PCCA: variants seen among roughly 807,000 people sequenced by gnomAD.
PCCA encodes propionyl-CoA carboxylase alpha chain, mitochondrial.
Under a neutral mutation model 101.3 loss-of-function variants are expected in PCCA, and 74 were observed. The observed-to-expected ratio is 0.73, with a 90% confidence interval of 0.61 to 0.89. The LOEUF is 0.89. Among genes scored for constraint, PCCA ranks in the 40% least tolerant of loss-of-function variants. PCCA has a pLI of 0.00. For synonymous variants in PCCA, 294 were observed against 313.6 expected, an observed-to-expected ratio of 0.94 and a Z score of 0.66; for missense variants, 891 against 907.0, an observed-to-expected ratio of 0.98 and a Z score of 0.23.
intron 7 of PCCA, among the ~76,000 whole-genome samples, chr13:100,226,559 C>T (rs772975190): frequency 1.2e-4 from 19 of 152,302 alleles, no homozygotes; most frequent in East Asian, 3.9e-4. Context: ...GTGTTTTCTG[C>T]GCTTCCTTGT....
At chr13:100,238,273 A>G (rs2060925625) in intron 8 of PCCA, among the ~76,000 whole-genome samples, 1 of 152,098 alleles carries the variant, frequency 6.6e-6, no homozygotes, top group Non-Finnish European at 1.5e-5. Context: ...GTCACCTTTA[A>G]GATAACCAGC....
At chr13:100,401,153 G>C (rs1039655635) in intron 19 of PCCA, among the ~76,000 whole-genome samples, 2 of 151,942 alleles carry the variant, frequency 1.3e-5, no homozygotes, top group African/African-American at 4.8e-5. Flanking sequence ...TTATTTCAAA[G>C]TAGCATTGCT....
chr13:100,270,993 GC>G (rs1438336451), intron 11 of PCCA, among the ~76,000 whole-genome samples: 2 of 152,034 alleles, frequency 1.3e-5, no homozygotes, highest in Admixed American at 6.6e-5. Flanking sequence ...GGGTGACAGA[GC>G]AAGACCCTGT....
chr13:100,175,858 G>T (rs953060613), intron 6 of PCCA, among the ~76,000 whole-genome samples: 1 of 152,126 alleles, frequency 6.6e-6, no homozygotes, highest in Non-Finnish European at 1.5e-5. Flanking sequence ...TCCTCTTTTT[G>T]TGACTGCTTT....
intron 4 of PCCA, among the ~76,000 whole-genome samples, chr13:100,153,514 G>A (rs1442278503): frequency 6.6e-6 from 1 of 152,152 alleles, no homozygotes; most frequent in Non-Finnish European, 1.5e-5. Flanking sequence ...TTAAAGGATT[G>A]TGAAGTACTC....
At chr13:100,098,576 G>T (rs1027052637) in intron 1 of PCCA, among the ~76,000 whole-genome samples, 6 of 152,178 alleles carry the variant, frequency 3.9e-5, no homozygotes, top group African/African-American at 1.4e-4. Context: ...AGATGAGGGT[G>T]CAGGTGTGAG....
intron 21 of PCCA, among the ~76,000 whole-genome samples, chr13:100,461,221 C>T (rs915741747): frequency 2.0e-5 from 3 of 152,178 alleles, no homozygotes; most frequent in East Asian, 1.9e-4. Context: ...CAACTGTAGT[C>T]TCTTAATTGA....
intron 6 of PCCA, among the ~76,000 whole-genome samples, chr13:100,207,980 T>C (rs1188085076): frequency 6.6e-6 from 1 of 151,974 alleles, no homozygotes; most frequent in Non-Finnish European, 1.5e-5. Flanking sequence ...ATTGTGCCAT[T>C]GCACTCCAGC....
chr13:100,218,958 G>A (rs978509336), intron 7 of PCCA, among the ~76,000 whole-genome samples: 3 of 152,126 alleles, frequency 2.0e-5, no homozygotes, highest in Admixed American at 6.5e-5. Context: ...GCTAGCAAAA[G>A]GCTGGGGTCC....
At chr13:100,184,609 A>G (rs1032898789) in intron 6 of PCCA, among the ~76,000 whole-genome samples, 4 of 152,194 alleles carry the variant, frequency 2.6e-5, no homozygotes, top group Non-Finnish European at 5.9e-5. Context: ...TACTGTCACA[A>G]CCATTCAACT....
chr13:100,256,698 G>A (rs1338880354), intron 8 of PCCA, among the ~76,000 whole-genome samples: 1 of 152,116 alleles, frequency 6.6e-6, no homozygotes, highest in Non-Finnish European at 1.5e-5. Flanking sequence ...TGCCAGTAGA[G>A]CATTACAGGC....
chr13:100,260,379 T>TTGTGTGTGTGTG (rs138371283), intron 9 of PCCA, among the ~76,000 whole-genome samples: 2 of 135,504 alleles, frequency 1.5e-5, no homozygotes, highest in African/African-American at 5.5e-5. Flanking sequence ...AGCAAATTAG[T>TTGTGTGTGTGTG]TGTGTGTGTG....
At chr13:100,107,468 C>G (rs558523403) in intron 2 of PCCA, among the ~76,000 whole-genome samples, 13 of 152,130 alleles carry the variant, frequency 8.5e-5, no homozygotes, top group Admixed American at 2.0e-4. Flanking sequence ...ACACGGGATT[C>G]CTTGAGACCG....
chr13:100,527,409 C>G lies in PCCA; in HGVS notation c.2041-266C>G, dbSNP rs1431663315. 3 of 542,966 alleles carry G rather than the reference C, an allele frequency of 5.5e-6. No homozygotes were observed. The African/African-American group carries it at 5.7e-5, about 10-fold the overall frequency. 33.6% of individuals were successfully genotyped at this position (542,966 alleles called of 1,614,324 possible). A position where few individuals can be genotyped will look rare whatever the true frequency, so the allele number is the denominator to read the frequency against. Reference sequence around the variant, plus strand: ...GTGGCAGAGCCAGACTCAGAGATCCCCAGGGTAGGCCCCGCCGCCAGGGTC... The same window carrying G: ...GTGGCAGAGCCAGACTCAGAGATCCGCAGGGTAGGCCCCGCCGCCAGGGTC... On this transcript the variant is annotated intron_variant, in intron 22 of 23. Transcript: ENST00000376285.
At chr13:100,457,985 G>A (rs1166403748) in intron 21 of PCCA, among the ~76,000 whole-genome samples, 3 of 152,076 alleles carry the variant, frequency 2.0e-5, no homozygotes, top group African/African-American at 7.2e-5. Flanking sequence ...TATTGCTAAT[G>A]CGTAGCCCAG....
intron 17 of PCCA, 133 bp from the exon 18 acceptor site, chr13:100,340,024 C>T (rs1287308418): frequency 4.2e-6 from 3 of 706,960 alleles, no homozygotes; most frequent in Non-Finnish European, 7.8e-6. Flanking sequence ...CACCCCAGTG[C>T]CTAGTACAAT....
At chr13:100,307,682 C>T (rs1391096929) in intron 15 of PCCA, among the ~76,000 whole-genome samples, 1 of 152,116 alleles carries the variant, frequency 6.6e-6, no homozygotes, top group Non-Finnish European at 1.5e-5. Context: ...TCAGTTTTTA[C>T]AAATTACCAA....
intron 20 of PCCA, among the ~76,000 whole-genome samples, chr13:100,447,578 A>T (rs550385433): frequency 6.6e-6 from 1 of 151,428 alleles, no homozygotes; most frequent in South Asian, 2.1e-4. Context: ...AAGCTGAGGC[A>T]GGAGAAACAC....
chr13:100,252,830 G>T (rs930068960), intron 8 of PCCA, among the ~76,000 whole-genome samples: 3 of 152,102 alleles, frequency 2.0e-5, no homozygotes, highest in East Asian at 1.9e-4. Flanking sequence ...TGCTGCAAAG[G>T]CTTCCTCATC....
Sources: allele counts gnomAD v4.1 joint callset (sites outside exome capture counted in the v4.1 genomes callset), GRCh38; gene constraint gnomAD v4.1.1; transcripts MANE v1.5; gene names NCBI Gene and HGNC (gene_info 2026-07-23, HGNC 2026-07-21).